The following FGD4 variants were observed in gnomAD, a reference collection of about 807,000 sequenced individuals.
The protein encoded by FGD4 is FYVE, RhoGEF and PH domain containing 4, also known as FYVE, RhoGEF and PH domain-containing protein 4.
Under a neutral mutation model 102.0 loss-of-function variants are expected in FGD4, and 42 were observed. The observed-to-expected ratio is 0.41, with a 90% CI of 0.32 to 0.53. The LOEUF is 0.53. FGD4 is among the 20% of genes least tolerant of loss of function. The pLI is 0.21. For missense variants in FGD4, 902 were observed against 1,078.2 expected, an observed-to-expected ratio of 0.84 and a Z score of 2.29; for synonymous variants, 380 against 375.7, an observed-to-expected ratio of 1.01 and a Z score of -0.13.
At chr12:32,542,575 G>T (rs938683487) in intron 1 of FGD4, among the ~76,000 whole-genome samples, 3 of 152,196 alleles carry the variant, frequency 2.0e-5, no homozygotes, top group African/African-American at 7.2e-5. Context: ...AAATAGTTTG[G>T]CAGTGGGCAG....
intron 1 of FGD4, among the ~76,000 whole-genome samples, chr12:32,531,478 C>A (rs903973051): frequency 6.6e-6 from 1 of 152,196 alleles, no homozygotes; most frequent in Non-Finnish European, 1.5e-5. Context: ...CCCTTACCAC[C>A]AGCCCTGGCA....
intron 1 of FGD4, among the ~76,000 whole-genome samples, chr12:32,490,734 T>C (rs1944059564): frequency 6.6e-6 from 1 of 152,120 alleles, no homozygotes; most frequent in Admixed American, 6.5e-5. Flanking sequence ...GCAGCTGGGA[T>C]GTATATATTC....
intron 1 of FGD4, among the ~76,000 whole-genome samples, chr12:32,547,718 C>A (rs1200405042): frequency 6.6e-6 from 1 of 152,096 alleles, no homozygotes; most frequent in Non-Finnish European, 1.5e-5. Context: ...AATCCCAAGT[C>A]TTTTTTAAGA....
chr12:32,488,901 T>G (rs1944000743), intron 1 of FGD4, among the ~76,000 whole-genome samples: 1 of 152,212 alleles, frequency 6.6e-6, no homozygotes. Flanking sequence ...ATCGCACCAT[T>G]GCACTTCCGC....
At chr12:32,473,411 G>T (rs571940021) in intron 1 of FGD4, among the ~76,000 whole-genome samples, 2 of 151,976 alleles carry the variant, frequency 1.3e-5, no homozygotes, top group Admixed American at 6.6e-5. Context: ...GAGCCCACTG[G>T]GGGGAAGGAA....
At chr12:32,580,368 A>G (rs1362659674) in intron 3 of FGD4, among the ~76,000 whole-genome samples, 1 of 152,198 alleles carries the variant, frequency 6.6e-6, no homozygotes, top group Non-Finnish European at 1.5e-5. Flanking sequence ...TGTCACAATC[A>G]TCATCATTAT....
At chr12:32,520,370 C>T (rs1225731938) in intron 1 of FGD4, among the ~76,000 whole-genome samples, 2 of 151,318 alleles carry the variant, frequency 1.3e-5, no homozygotes, top group East Asian at 1.9e-4. Context: ...TCACATTGTT[C>T]TCTTAACAAT....
At chr12:32,442,836 G>A (rs1308605876) in intron 1 of FGD4, among the ~76,000 whole-genome samples, 1 of 152,158 alleles carries the variant, frequency 6.6e-6, no homozygotes, top group Non-Finnish European at 1.5e-5. Flanking sequence ...GGGATTACAG[G>A]CATGAGCCAC....
rs1396928556 is a variant in FGD4 at position 32,610,636 on chromosome 12, A to G, written c.1544-140A>G. 6 of 716,080 alleles carry G rather than the reference A, an allele frequency of 8.4e-6. No individual in the cohort carries two copies. The Admixed American group carries it at 1.2e-4, about 14-fold the overall frequency. 44.4% of individuals were successfully genotyped at this position (716,080 alleles called of 1,614,324 possible). ...CTTACAAATGAACTTTAGAAAGTAT[A>G]TACCGTTTATAAATGGAAAATGCCA... is the stretch of plus-strand genomic sequence containing the variant. On this transcript the variant is annotated intron_variant, in intron 8 of 16. Coordinates refer to ENST00000534526, the MANE Select transcript of FGD4 (RefSeq NM_001370298.3).
intron 15 of FGD4, 89 bp downstream of exon 15, chr12:32,633,778 C>T (rs1273285877): frequency 2.5e-6 from 3 of 1,211,442 alleles, no homozygotes; most frequent in Admixed American, 1.9e-5. Context: ...TGCAGTGGCA[C>T]GATCTCAGCT....
intron 5 of FGD4, chr12:32,600,592 C>CTTTTTTTTTTTT (rs1181093585): frequency 1.1e-4 from 22 of 200,864 alleles, no homozygotes; most frequent in Admixed American, 1.7e-4. Context: ...TTCTTTCTTT[C>CTTTTTTTTTTTT]TTTTTTTTTT....
intron 2 of FGD4, among the ~76,000 whole-genome samples, chr12:32,565,151 T>G (rs1954728769): frequency 6.6e-6 from 1 of 152,258 alleles, no homozygotes; most frequent in Non-Finnish European, 1.5e-5. Flanking sequence ...AAGAAAAATG[T>G]ATTCTAGAGC....
intron 1 of FGD4, among the ~76,000 whole-genome samples, chr12:32,529,830 G>A (rs1941621709): frequency 6.9e-6 from 1 of 144,332 alleles, no homozygotes; most frequent in African/African-American, 2.6e-5. Context: ...GTGACAGAGT[G>A]AGACTCTGTC....
chr12:32,432,088 C>G (rs977304538), intron 1 of FGD4, among the ~76,000 whole-genome samples: 4 of 129,290 alleles, frequency 3.1e-5, no homozygotes, highest in African/African-American at 1.1e-4. Flanking sequence ...TAGACAGAGT[C>G]TCGCTCTGTT....
intron 16 of FGD4, 86 bp downstream of exon 16, chr12:32,638,881 C>T (rs769566789): frequency 3.1e-6 from 5 of 1,600,958 alleles, no homozygotes; most frequent in Non-Finnish European, 4.3e-6. Context: ...ATCTGTAGAA[C>T]AAGAGTTCAG....
At chr12:32,634,498 C>G (rs1282010197) in intron 15 of FGD4, among the ~76,000 whole-genome samples, 1 of 152,060 alleles carries the variant, frequency 6.6e-6, no homozygotes, top group Non-Finnish European at 1.5e-5. Flanking sequence ...TCAGACCCCC[C>G]CACCCCAAGC....
intron 1 of FGD4, among the ~76,000 whole-genome samples, chr12:32,520,436 T>G (rs113417097): frequency 0.069 from 6,473 of 93,986 alleles, 384 homozygotes; most frequent in African/African-American, 0.18. Context: ...TTTTTTTGTT[T>G]TTTGTTTTTT....
At chr12:32,630,034 C>T (rs985860096) in intron 14 of FGD4, among the ~76,000 whole-genome samples, 5 of 152,148 alleles carry the variant, frequency 3.3e-5, no homozygotes, top group African/African-American at 7.2e-5. Context: ...TCAGCTCTCC[C>T]GTGTCCTCCA....
intron 6 of FGD4, 86 bp downstream of exon 6, chr12:32,601,509 C>G (rs887031207): frequency 1.4e-6 from 2 of 1,459,070 alleles, no homozygotes; most frequent in Non-Finnish European, 1.8e-6. Flanking sequence ...ATGCCACACA[C>G]AACTGTAACT....
Sources: gnomAD v4.1 joint callset for allele counts (sites outside exome capture counted in the v4.1 genomes callset) on GRCh38, gnomAD v4.1.1 for gene constraint, MANE v1.5 for transcripts, NCBI Gene and HGNC (gene_info 2026-07-23, HGNC 2026-07-21) for gene names.